The following SOX5 variants were observed in gnomAD, a reference collection of about 807,000 sequenced individuals.
The protein encoded by SOX5 is SRY-box transcription factor 5, also known as transcription factor SOX-5.
SOX5 carries 9 observed loss-of-function variants against 92.0 expected under a neutral mutation model. The ratio of observed to expected loss-of-function variants is 0.10; its 90% confidence interval spans 0.06 to 0.17. The LOEUF is 0.17. Among genes scored for constraint, SOX5 ranks in the 10% least tolerant of loss-of-function variants. The pLI is 1.00. For missense variants in SOX5, 642 were observed against 944.5 expected, an observed-to-expected ratio of 0.68 and a Z score of 4.20; for synonymous variants, 344 against 336.3, an observed-to-expected ratio of 1.02 and a Z score of -0.25.
At chr12:24,486,944 C>T (rs529108121) in intron 1 of SOX5, among the ~76,000 whole-genome samples, 5 of 152,306 alleles carry the variant, frequency 3.3e-5, no homozygotes, top group South Asian at 4.2e-4. Context: ...CACCCTGATA[C>T]TGGTAAACAA....
intron 2 of SOX5, among the ~76,000 whole-genome samples, chr12:23,893,669 C>T (rs1209608088): frequency 6.6e-6 from 1 of 152,166 alleles, no homozygotes; most frequent in Non-Finnish European, 1.5e-5. Context: ...ACTATCACAA[C>T]ATTCCTAATT....
intron 4 of SOX5, among the ~76,000 whole-genome samples, chr12:24,139,795 G>C (rs954686490): frequency 6.6e-6 from 1 of 152,146 alleles, no homozygotes; most frequent in Non-Finnish European, 1.5e-5. Flanking sequence ...AAACTGCTTG[G>C]GGTGTTAAGA....
chr12:23,965,705 GCCCCC>G (rs1388086681), intron 4 of SOX5, among the ~76,000 whole-genome samples: 1 of 152,068 alleles, frequency 6.6e-6, no homozygotes, highest in Non-Finnish European at 1.5e-5. Flanking sequence ...TGCAACCTCT[GCCCCC>G]CAGGTTCAAG....
intron 1 of SOX5, among the ~76,000 whole-genome samples, chr12:23,925,219 T>A (rs1939615906): frequency 1.3e-5 from 2 of 152,106 alleles, no homozygotes; most frequent in South Asian, 4.1e-4. Context: ...TTCAATGGAA[T>A]TTCTCTCACA....
At chr12:23,752,798 G>T (rs772452718) in intron 4 of SOX5, among the ~76,000 whole-genome samples, 23 of 151,842 alleles carry the variant, frequency 1.5e-4, no homozygotes, top group Non-Finnish European at 2.8e-4. Flanking sequence ...CTTCTTTTGG[G>T]CAGCTAATCA....
intron 1 of SOX5, among the ~76,000 whole-genome samples, chr12:24,558,212 G>T (rs1953996888): frequency 6.6e-6 from 1 of 152,114 alleles, no homozygotes; most frequent in South Asian, 2.1e-4. Flanking sequence ...TGAGCCAGAG[G>T]TTAAATGGGG....
At chr12:24,292,800 G>A (rs911379866) in intron 2 of SOX5, among the ~76,000 whole-genome samples, 11 of 152,116 alleles carry the variant, frequency 7.2e-5, no homozygotes, top group Non-Finnish European at 1.6e-4. Context: ...GTAACATTTC[G>A]AAGAAATTTC....
At chr12:23,549,307 C>T (rs1403040456) in intron 11 of SOX5, among the ~76,000 whole-genome samples, 2 of 151,858 alleles carry the variant, frequency 1.3e-5, no homozygotes, top group African/African-American at 4.8e-5. Context: ...TGTTGATGGG[C>T]ACAAGTGACA....
chr12:23,710,287 A>T (rs1405394449), intron 6 of SOX5, among the ~76,000 whole-genome samples: 7 of 152,164 alleles, frequency 4.6e-5, no homozygotes, highest in Non-Finnish European at 8.8e-5. Flanking sequence ...CATGTGCACA[A>T]CGTGCAGGTT....
chr12:23,649,427 A>G lies in SOX5; in HGVS notation c.932-8530T>C, dbSNP rs572310434. On this transcript the variant is annotated intron_variant, in intron 7 of 14. Coordinates refer to ENST00000451604, the MANE Select transcript of SOX5 (RefSeq NM_006940.6). ...TAGTAAAAAAATCAGATAATGGAAA[A>G]CTTTGACTTTTAAAGTTCAACCATG... Among the ~76,000 whole-genome samples, 3 of 152,270 alleles carry G rather than the reference A, an allele frequency of 2.0e-5. No homozygotes were observed. In the East Asian group the frequency reaches 5.8e-4, roughly 29 times the overall value.
At chr12:24,334,720 T>C (rs1951699120) in intron 2 of SOX5, among the ~76,000 whole-genome samples, 2 of 152,070 alleles carry the variant, frequency 1.3e-5, no homozygotes, top group South Asian at 4.1e-4. Flanking sequence ...CAGCAAAACA[T>C]TAGAAATTGC....
At position 23,657,305 on chromosome 12, in the gene SOX5, G is replaced by T. The variant is rs1395743041; in HGVS notation, c.931+8139C>A. Among the ~76,000 whole-genome samples the T allele has an allele frequency of 2.0e-5, 3 of 152,132 alleles. No individual in the cohort carries two copies. The East Asian group carries it at 5.8e-4, about 29-fold the overall frequency. On this transcript the variant is annotated intron_variant, in intron 7 of 14. Transcript: ENST00000451604. The stretch of plus-strand genomic sequence containing the variant: ...AAAAATATTCTTTCATCATGTTTAA[G>T]CTAGTACTATTTTGGCCTTTTACAG...
At chr12:23,554,601 G>A (rs1003957570) in intron 11 of SOX5, among the ~76,000 whole-genome samples, 1 of 152,024 alleles carries the variant, frequency 6.6e-6, no homozygotes, top group Admixed American at 6.6e-5. Context: ...ATTACAGAGT[G>A]AGAACAAAAT....
At chr12:23,779,537 G>A (rs1020950069) in intron 3 of SOX5, among the ~76,000 whole-genome samples, 38 of 151,404 alleles carry the variant, frequency 2.5e-4, no homozygotes, top group African/African-American at 8.7e-4. Flanking sequence ...GAAGATATCT[G>A]TGATTTTAAT....
At chr12:23,703,727 G>GAC (rs61366137) in intron 6 of SOX5, among the ~76,000 whole-genome samples, 14,436 of 148,734 alleles carry the variant, frequency 0.097, 768 homozygotes, top group Non-Finnish European at 0.12. Context: ...TTTCTCAGGG[G>GAC]ACACACACAC....
intron 3 of SOX5, among the ~76,000 whole-genome samples, chr12:23,841,508 A>C (rs1313977349): frequency 1.3e-5 from 2 of 152,096 alleles, no homozygotes; most frequent in Non-Finnish European, 2.9e-5. Flanking sequence ...TATTAATAGA[A>C]GCTTTATTCA....
At chr12:24,434,746 G>C (rs1326994888) in intron 1 of SOX5, among the ~76,000 whole-genome samples, 1 of 152,158 alleles carries the variant, frequency 6.6e-6, no homozygotes, top group East Asian at 1.9e-4. Flanking sequence ...TAAAGTGCTA[G>C]CTTTGCCTTC....
At chr12:24,521,724 G>A (rs142475757) in intron 1 of SOX5, among the ~76,000 whole-genome samples, 2 of 151,986 alleles carry the variant, frequency 1.3e-5, no homozygotes, top group African/African-American at 4.8e-5. Context: ...GGTCAAAGAG[G>A]AAATCAAAAA....
intron 1 of SOX5, among the ~76,000 whole-genome samples, chr12:24,559,156 T>C (rs1212440672): frequency 6.6e-6 from 1 of 152,240 alleles, no homozygotes; most frequent in African/African-American, 2.4e-5. Flanking sequence ...CCAAGCACTT[T>C]CTTCGCCTTT....
Sources: allele counts gnomAD v4.1 joint callset (sites outside exome capture counted in the v4.1 genomes callset), GRCh38; gene constraint gnomAD v4.1.1; transcripts MANE v1.5; gene names NCBI Gene and HGNC (gene_info 2026-07-23, HGNC 2026-07-21).